Variants in FAIM2 observed in about 807,000 individuals in gnomAD.
FAIM2 encodes protein lifeguard 2.
A neutral mutation model predicts 47.4 loss-of-function variants in FAIM2; 27 were observed. The observed-to-expected ratio is 0.57, with a 90% CI of 0.42 to 0.78. The LOEUF (loss-of-function observed/expected upper bound fraction) is 0.78. Ranked by LOEUF, FAIM2 falls within the 30% of genes least tolerant of loss-of-function variation. FAIM2 has a pLI of 0.00. For missense variants in FAIM2, 311 were observed against 389.4 expected, an observed-to-expected ratio of 0.80 and a Z score of 1.69; for synonymous variants, 156 against 159.3, an observed-to-expected ratio of 0.98 and a Z score of 0.16.
chr12:49,882,488 C>T (rs1253396752), intron 11 of FAIM2, among the ~76,000 whole-genome samples: 1 of 152,098 alleles, frequency 6.6e-6, no homozygotes, highest in African/African-American at 2.4e-5. Flanking sequence ...CCCATGGGCC[C>T]CAGGGGAGCT....
chr12:49,880,185 T>C (rs1592787277), intron 11 of FAIM2, among the ~76,000 whole-genome samples: 1 of 124,342 alleles, frequency 8.0e-6, no homozygotes, highest in African/African-American at 3.1e-5. Flanking sequence ...TGTATGCATG[T>C]GTGTATATGT....
In FAIM2 at chr12:49,879,637, T is replaced by C. The variant is rs192735248; in HGVS notation, c.801+7749A>G. 8.4e-3 allele frequency among the ~76,000 whole-genome samples: 1,276 copies of C among 151,802 alleles called. 5 individuals are homozygous for C. Among genetic ancestry groups the C allele is most frequent in the Middle Eastern group, 0.017 (5 of 294 alleles). ...GTGTGCATGTGTGTATATGTGCGTG[T>C]ATGTGTGGGCATGTGAATGTGTATA... On this transcript the variant is annotated intron_variant, in intron 11 of 11. Transcript: ENST00000320634.
intron 5 of FAIM2, among the ~76,000 whole-genome samples, chr12:49,894,478 G>C (rs903722677): frequency 6.6e-6 from 1 of 152,188 alleles, no homozygotes; most frequent in African/African-American, 2.4e-5. Flanking sequence ...GCTGTGGGTG[G>C]GGGAGGGGGA....
chr12:49,897,224 G>C, intron 4 of FAIM2, 140 bp from the exon 5 acceptor site: 1 of 764,954 alleles, frequency 1.3e-6, no homozygotes, highest in Non-Finnish European at 2.3e-6. Flanking sequence ...GGCTCGGGGA[G>C]TCCCAGCCCA....
intron 2 of FAIM2, among the ~76,000 whole-genome samples, chr12:49,899,158 G>GC (rs1391311179): frequency 1.3e-5 from 2 of 152,040 alleles, no homozygotes; most frequent in Non-Finnish European, 1.5e-5. Context: ...CACCTCCTGG[G>GC]CCTATAAACA....
chr12:49,875,435 G>A (rs1946729655), intron 11 of FAIM2, among the ~76,000 whole-genome samples: 1 of 152,166 alleles, frequency 6.6e-6, no homozygotes, highest in African/African-American at 2.4e-5. Context: ...GGGTGAGGGG[G>A]TGAGGGAGTG....
In FAIM2 at chr12:49,889,589, G is replaced by A. The variant is rs776158913; in HGVS notation, c.564-21C>T. The A allele has an allele frequency of 2.7e-5, 43 of 1,608,272 alleles. No homozygotes were observed. In the African/African-American group the frequency reaches 3.5e-4, roughly 13 times the overall value. ...AGTAGCTGAGGACCGTCAGGCCGAGGGGTCAGCTCTCAGGCAGGGCATCTG... is the reference window on the plus strand; with the variant it reads ...AGTAGCTGAGGACCGTCAGGCCGAGAGGTCAGCTCTCAGGCAGGGCATCTG... On this transcript the variant is annotated intron_variant, in intron 8 of 11. Transcript: ENST00000320634.
At chr12:49,888,574 C>T (rs768297104) in intron 10 of FAIM2, among the ~76,000 whole-genome samples, 9 of 152,146 alleles carry the variant, frequency 5.9e-5, no homozygotes, top group Non-Finnish European at 1.2e-4. Context: ...GTTGGATTCC[C>T]CAGGGCAGGC....
At chr12:49,903,481 C>T (rs766482315) in intron 1 of FAIM2, among the ~76,000 whole-genome samples, 3 of 152,248 alleles carry the variant, frequency 2.0e-5, no homozygotes, top group Non-Finnish European at 2.9e-5. Flanking sequence ...ACACCAGACG[C>T]CCGGGCTGAC....
chr12:49,887,823 C>T (rs1946872483), intron 10 of FAIM2, among the ~76,000 whole-genome samples: 1 of 152,164 alleles, frequency 6.6e-6, no homozygotes, highest in South Asian at 2.1e-4. Context: ...ATCTGTCTGT[C>T]CTTGTGTCAG....
chr12:49,881,223 T>A (rs1040355013), intron 11 of FAIM2, among the ~76,000 whole-genome samples: 6 of 151,888 alleles, frequency 4.0e-5, no homozygotes, highest in Admixed American at 6.6e-5. Flanking sequence ...TCCTAACTGG[T>A]CTCCCAGCCT....
chr12:49,901,254 T>C lies in FAIM2; in HGVS notation c.87A>G (p.Pro29=). ...QQVHGEKKEA[P]AVPSAPPSYE... ...AGGAGGGTGGGGCTGAGGGCACTGC[T>C]GGAGCCTCCTTCTTCTCGCCATGCA... The change falls in exon 2 of 12, where the codon CCA becomes CCG. Residue 29 remains proline (P), a synonymous_variant. Transcript: ENST00000320634. The C allele has an allele frequency of 1.2e-6, 2 of 1,610,674 alleles. No individual in the cohort carries two copies. Among genetic ancestry groups the C allele is most frequent in the Non-Finnish European group, 1.7e-6 (2 of 1,178,656 alleles).
intron 5 of FAIM2, among the ~76,000 whole-genome samples, chr12:49,893,732 T>C (rs1946916174): frequency 6.6e-6 from 1 of 152,206 alleles, no homozygotes; most frequent in Non-Finnish European, 1.5e-5. Flanking sequence ...ACTGGAGGGC[T>C]CTTCTGGTAG....
chr12:49,880,488 A>ATATG (rs1946808917), intron 11 of FAIM2, among the ~76,000 whole-genome samples: 1 of 42,964 alleles, frequency 2.3e-5, no homozygotes, highest in South Asian at 8.6e-4. Context: ...ATGTGTATGC[A>ATATG]TGTGTATGTG....
rs145161674 is a variant in FAIM2 at position 49,872,548 on chromosome 12, C to T, written c.802-1895G>A. Among the ~76,000 whole-genome samples, 441 of 152,318 alleles carry T rather than the reference C, an allele frequency of 2.9e-3. 2 individuals carry two copies. Among genetic ancestry groups the T allele is most frequent in the South Asian group, 0.015 (71 of 4,830 alleles). ...ACCCAGACTTTAGAGTTGCTATAGA[C>T]GCAGCCCTGTAGAATCCTAGTCGAA... On this transcript the variant is annotated intron_variant, in intron 11 of 11. Transcript: ENST00000320634.
chr12:49,899,925 G>T (rs75011267), intron 2 of FAIM2, among the ~76,000 whole-genome samples: 1,601 of 152,340 alleles, frequency 0.011, 17 homozygotes, highest in Middle Eastern at 0.02. Flanking sequence ...CCTTAAAACA[G>T]CAGTCCTAGC....
intron 2 of FAIM2, chr12:49,900,089 G>T: frequency 1.5e-6 from 1 of 677,262 alleles, no homozygotes; most frequent in Non-Finnish European, 2.2e-6. Flanking sequence ...GAGGGAAGGG[G>T]AAAAGAGAGG....
rs1391528042 is a variant in FAIM2, at chr12:49,878,591, T to TATGTGTATGTGTGC, written c.802-7952_802-7939dup. On this transcript the variant is annotated intron_variant, in intron 11 of 11. Coordinates refer to ENST00000320634, the MANE Select transcript of FAIM2 (RefSeq NM_012306.4). ...ATGTTCATGTGTATATGTACATGTG[T>TATGTGTATGTGTGC]ATGTGTATGTGTGCATGTGTATGTG... 6.5e-4 allele frequency among the ~76,000 whole-genome samples: 71 copies of TATGTGTATGTGTGC among 108,584 alleles called. 8 individuals carry two copies. Among genetic ancestry groups the TATGTGTATGTGTGC allele is most frequent in the African/African-American group, 2.3e-3 (69 of 30,612 alleles). 71.2% of individuals were successfully genotyped at this position (108,584 alleles called of 152,430 possible). A position where few individuals can be genotyped will look rare whatever the true frequency, so the allele number is the denominator to read the frequency against.
chr12:49,898,190 C>T (rs1437742206), intron 2 of FAIM2, 100 bp from the exon 3 acceptor site: 3 of 832,094 alleles, frequency 3.6e-6, no homozygotes, highest in African/African-American at 1.7e-5. Flanking sequence ...GTCAACCTGG[C>T]TCTCTGGACC....
Sources: allele counts gnomAD v4.1 joint callset (sites outside exome capture counted in the v4.1 genomes callset), GRCh38; gene constraint gnomAD v4.1.1; transcripts MANE v1.5; gene names NCBI Gene and HGNC (gene_info 2026-07-23, HGNC 2026-07-21).